GLIS3: variants seen among roughly 807,000 people sequenced by gnomAD.
The protein encoded by GLIS3 is zinc finger protein GLIS3.
Under a neutral mutation model 78.6 loss-of-function variants are expected in GLIS3, and 53 were observed. That is an observed-to-expected ratio of 0.67 (90% CI 0.54 to 0.85). GLIS3 has a LOEUF of 0.85. Among genes scored for constraint, GLIS3 ranks in the 40% least tolerant of loss-of-function variants. GLIS3 has a pLI of 0.00. For missense variants in GLIS3, 1,703 were observed against 1,231.1 expected (o/e 1.38, Z -5.74); for synonymous variants, 684 against 509.9 (o/e 1.34, Z -4.60).
intron 2 of GLIS3, among the ~76,000 whole-genome samples, chr9:4,341,676 G>A (rs1255724970): frequency 1.3e-5 from 2 of 152,166 alleles, no homozygotes; most frequent in South Asian, 2.1e-4. Flanking sequence ...CTTACAACCA[G>A]TGCCTCTGGC....
chr9:4,225,251 C>T (rs1470853534), intron 2 of GLIS3, among the ~76,000 whole-genome samples: 2 of 152,104 alleles, frequency 1.3e-5, no homozygotes, highest in Non-Finnish European at 2.9e-5. Flanking sequence ...ATATACTTCG[C>T]TCTTTAAAAT....
chr9:3,892,554 T>C (rs1173283053), intron 7 of GLIS3, among the ~76,000 whole-genome samples: 1 of 152,182 alleles, frequency 6.6e-6, no homozygotes, highest in Non-Finnish European at 1.5e-5. Flanking sequence ...ATATCCAAGT[T>C]ATAATTCATT....
chr9:4,239,564 G>C (rs183469340), intron 2 of GLIS3, among the ~76,000 whole-genome samples: 17 of 152,246 alleles, frequency 1.1e-4, no homozygotes, highest in African/African-American at 3.8e-4. Flanking sequence ...TTGGTATCAA[G>C]GTTGAGAACC....
At chr9:3,955,744 A>C (rs989517634) in intron 4 of GLIS3, among the ~76,000 whole-genome samples, 4 of 152,192 alleles carry the variant, frequency 2.6e-5, no homozygotes, top group Admixed American at 1.3e-4. Flanking sequence ...AGAGAATAAT[A>C]ATCGATAAAT....
At chr9:4,398,266 T>A in the GLIS3 span, among the ~76,000 whole-genome samples, 1 of 152,016 alleles carries the variant, frequency 6.6e-6, no homozygotes, top group Non-Finnish European at 1.5e-5. Context: ...AGTGGTTATT[T>A]TCTACATCCT....
intron 5 of GLIS3, among the ~76,000 whole-genome samples, chr9:3,933,964 T>G (rs911854807): frequency 7.2e-5 from 11 of 152,290 alleles, no homozygotes; most frequent in African/African-American, 2.4e-4. Context: ...ATTGACTGAC[T>G]GTTTGACTGG....
At chr9:4,364,520 G>C in the GLIS3 span, among the ~76,000 whole-genome samples, 1 of 152,022 alleles carries the variant, frequency 6.6e-6, no homozygotes, top group East Asian at 1.9e-4. Flanking sequence ...CAATATGTAA[G>C]TAGTGAATAA....
chr9:4,412,182 C>G, the GLIS3 span, among the ~76,000 whole-genome samples: 1 of 152,218 alleles, frequency 6.6e-6, no homozygotes, highest in Non-Finnish European at 1.5e-5. Flanking sequence ...GGCATACCTT[C>G]AGGCCTAGCA....
the GLIS3 span, among the ~76,000 whole-genome samples, chr9:4,361,287 G>T: frequency 6.6e-6 from 1 of 152,190 alleles, no homozygotes; most frequent in South Asian, 2.1e-4. Context: ...CTCAAGAAGG[G>T]ACTCCTCTGA....
At chr9:4,232,334 T>C (rs906740272) in intron 2 of GLIS3, among the ~76,000 whole-genome samples, 1 of 143,274 alleles carries the variant, frequency 7.0e-6, no homozygotes, top group African/African-American at 2.6e-5. Flanking sequence ...TGAGCTATGA[T>C]CGTGCCTCTG....
chr9:4,448,706 G>C, the GLIS3 span, among the ~76,000 whole-genome samples: 978 of 152,318 alleles, frequency 6.4e-3, 6 homozygotes, highest in Non-Finnish European at 0.012. Flanking sequence ...CTAAGAGCCT[G>C]TGTGAAAATC....
intron 2 of GLIS3, among the ~76,000 whole-genome samples, chr9:4,135,992 C>T (rs1303181901): frequency 1.3e-5 from 2 of 152,148 alleles, no homozygotes; most frequent in Admixed American, 6.5e-5. Flanking sequence ...TGGTGTATTA[C>T]TCTGAAATAC....
chr9:4,354,802 T>G, the GLIS3 span, among the ~76,000 whole-genome samples: 1 of 152,182 alleles, frequency 6.6e-6, no homozygotes, highest in African/African-American at 2.4e-5. Context: ...TCCTTTGGAA[T>G]AAGCTACTGT....
At chr9:3,910,479 A>G (rs428849) in intron 6 of GLIS3, among the ~76,000 whole-genome samples, 115,396 of 152,132 alleles carry the variant, frequency 0.76, 44,060 homozygotes, top group African/African-American at 0.79. Context: ...CCTCCTAAGT[A>G]GCTGAGACCA....
At chr9:4,193,928 C>G (rs981280427) in intron 2 of GLIS3, among the ~76,000 whole-genome samples, 3 of 152,194 alleles carry the variant, frequency 2.0e-5, no homozygotes, top group Non-Finnish European at 4.4e-5. Flanking sequence ...ATGTGGTAAG[C>G]GTGCTTAACA....
At chr9:4,473,662 G>C in the GLIS3 span, among the ~76,000 whole-genome samples, 1 of 151,974 alleles carries the variant, frequency 6.6e-6, no homozygotes, top group South Asian at 2.1e-4. Flanking sequence ...TGGGAGGAGG[G>C]AGAGGATCAG....
At chr9:4,120,293 G>A (rs557087855) in intron 3 of GLIS3, among the ~76,000 whole-genome samples, 1 of 152,266 alleles carries the variant, frequency 6.6e-6, no homozygotes, top group African/African-American at 2.4e-5. Context: ...CACAGTACAA[G>A]GTGATAACAC....
chr9:4,020,864 G>A lies in GLIS3; in HGVS notation c.1711-83675C>T, dbSNP rs73388286. ...CTGACGTAAGCAAATGATACTGGTCGTGTATCTCCTGATCACAGCCACAGT... is the reference window on the plus strand; with the variant it reads ...CTGACGTAAGCAAATGATACTGGTCATGTATCTCCTGATCACAGCCACAGT... On this transcript the variant is annotated intron_variant, in intron 4 of 10. Coordinates refer to ENST00000381971, the MANE Select transcript of GLIS3 (RefSeq NM_001042413.2). 1.4e-3 allele frequency among the ~76,000 whole-genome samples: 211 copies of A among 152,266 alleles called. 1 individual carries two copies. The highest frequency in any genetic ancestry group is 4.7e-3 in the African/African-American group (197 of 41,552).
the GLIS3 span, among the ~76,000 whole-genome samples, chr9:4,360,187 C>T: frequency 6.6e-6 from 1 of 152,168 alleles, no homozygotes; most frequent in East Asian, 1.9e-4. Context: ...GGATTGGAAT[C>T]ATCACCCAAC....
Sources: allele counts gnomAD v4.1 joint callset (sites outside exome capture counted in the v4.1 genomes callset), GRCh38; gene constraint gnomAD v4.1.1; transcripts MANE v1.5; gene names NCBI Gene and HGNC (gene_info 2026-07-23, HGNC 2026-07-21).